The following RPTOR variants were observed in gnomAD, a reference collection of about 807,000 sequenced individuals.
RPTOR encodes regulatory associated protein of MTOR complex 1.
Under a neutral mutation model 169.9 loss-of-function variants are expected in RPTOR, and 21 were observed. The ratio of observed to expected loss-of-function variants is 0.12; its 90% CI spans 0.09 to 0.18. The LOEUF is 0.18. RPTOR is among the 10% of genes least tolerant of loss of function. The pLI, the probability that RPTOR is intolerant of heterozygous loss-of-function variation, is 1.00. For synonymous variants in RPTOR, 732 were observed against 753.2 expected, an observed-to-expected ratio of 0.97 and a Z score of 0.46; for missense variants, 1,133 against 1,855.9, an observed-to-expected ratio of 0.61 and a Z score of 7.16.
At chr17:80,658,105 T>C (rs896949610) in intron 3 of RPTOR, among the ~76,000 whole-genome samples, 1 of 152,196 alleles carries the variant, frequency 6.6e-6, no homozygotes, top group Non-Finnish European at 1.5e-5. Flanking sequence ...CCCCTTTACT[T>C]TGCATGGTGT....
At chr17:80,950,269 C>A (rs1280752086) in intron 28 of RPTOR, among the ~76,000 whole-genome samples, 1 of 152,234 alleles carries the variant, frequency 6.6e-6, no homozygotes, top group Non-Finnish European at 1.5e-5. Context: ...CGCCAGCCCC[C>A]CTCTGCCGGC....
intron 3 of RPTOR, among the ~76,000 whole-genome samples, chr17:80,673,891 G>C (rs2065841252): frequency 6.6e-6 from 1 of 152,220 alleles, no homozygotes; most frequent in Non-Finnish European, 1.5e-5. Context: ...TGTTGTTTGT[G>C]TTGTTAATTG....
At chr17:80,732,866 G>A (rs138454924) in intron 5 of RPTOR, among the ~76,000 whole-genome samples, 3 of 152,250 alleles carry the variant, frequency 2.0e-5, no homozygotes, top group African/African-American at 7.2e-5. Flanking sequence ...TTTACAGCTG[G>A]TCAAATTCTT....
rs146191609 is a variant in RPTOR, at chr17:80,602,891, G to A, written c.163-22800G>A. ...CCACCTCGCTGATTGCAGAATGGCC[G>A]TTTTTCTTCTCGCCATCCTTTTCTG... On this transcript the variant is annotated intron_variant, in intron 1 of 33. Transcript: ENST00000306801. The A allele has an allele frequency of 9.4e-4, 445 of 475,456 alleles. 1 individual carries two copies. The highest frequency in any genetic ancestry group is 1.3e-3 in the South Asian group (58 of 45,930). The allele number at this position is 475,456 out of a possible 1,614,324, so 29.5% of individuals were successfully genotyped here. A position where few individuals can be genotyped will look rare whatever the true frequency, so the allele number is the denominator to read the frequency against.
intron 3 of RPTOR, among the ~76,000 whole-genome samples, chr17:80,667,300 C>A (rs186005260): frequency 1.3e-5 from 2 of 152,036 alleles, no homozygotes; most frequent in Non-Finnish European, 2.9e-5. Context: ...GAGCTGGGAG[C>A]GAAGGGAGAC....
At position 80,720,352 on chromosome 17, in the gene RPTOR, G is replaced by T. The variant is rs543422657; in HGVS notation, c.508-10208G>T. Among the ~76,000 whole-genome samples the T allele has an allele frequency of 3.9e-5, 6 of 151,988 alleles. No homozygotes were observed. The South Asian group carries it at 1.2e-3, about 32-fold the overall frequency. The stretch of plus-strand genomic sequence containing the variant: ...AAATACACTATTATCAGAAAAATAC[G>T]TGATTTTTAAAAAGTGATATTTATG... On this transcript the variant is annotated intron_variant, in intron 4 of 33. Transcript: ENST00000306801.
chr17:80,808,514 C>T (rs2067241595), intron 7 of RPTOR, among the ~76,000 whole-genome samples: 1 of 152,178 alleles, frequency 6.6e-6, no homozygotes, highest in African/African-American at 2.4e-5. Context: ...ATCATTTCTC[C>T]TTTGTTTTCA....
At chr17:80,690,643 T>C (rs757594704) in intron 3 of RPTOR, among the ~76,000 whole-genome samples, 77 of 145,420 alleles carry the variant, frequency 5.3e-4, no homozygotes, top group Non-Finnish European at 1.1e-3. Flanking sequence ...ACAGCCGGGC[T>C]CCCCTAGATT....
chr17:80,696,309 A>C (rs149928760), intron 3 of RPTOR, among the ~76,000 whole-genome samples: 180 of 152,366 alleles, frequency 1.2e-3, no homozygotes, highest in African/African-American at 4.2e-3. Flanking sequence ...TTTAAAGAGC[A>C]AATAAAATAT....
chr17:80,713,809 C>T (rs1479301999), intron 4 of RPTOR, among the ~76,000 whole-genome samples: 1 of 152,082 alleles, frequency 6.6e-6, no homozygotes, highest in Non-Finnish European at 1.5e-5. Context: ...TTTCAAAGGA[C>T]ATGCAGCAAA....
chr17:80,808,923 G>T (rs147084066), intron 7 of RPTOR, among the ~76,000 whole-genome samples: 1 of 152,150 alleles, frequency 6.6e-6, no homozygotes, highest in African/African-American at 2.4e-5. Context: ...GTTGATGCGC[G>T]TTTGAATTGT....
chr17:80,643,936 T>G (rs1019223785), intron 3 of RPTOR, 126 bp downstream of exon 3: 3 of 705,318 alleles, frequency 4.3e-6, no homozygotes, highest in Non-Finnish European at 7.0e-6. Context: ...GCATGGCGCC[T>G]GCGCACTGCG....
At chr17:80,897,399 T>C (rs2068420242) in intron 20 of RPTOR, among the ~76,000 whole-genome samples, 1 of 152,262 alleles carries the variant, frequency 6.6e-6, no homozygotes, top group Non-Finnish European at 1.5e-5. Flanking sequence ...TTCCCTTTGG[T>C]TCACTCTTTT....
intron 1 of RPTOR, among the ~76,000 whole-genome samples, chr17:80,615,454 C>G (rs1398790245): frequency 2.0e-5 from 3 of 152,172 alleles, no homozygotes; most frequent in African/African-American, 7.2e-5. Flanking sequence ...TGAACCGTAG[C>G]ATAAGAAATT....
At chr17:80,743,562 G>A (rs1353457431) in intron 5 of RPTOR, 23 of 516,862 alleles carry the variant, frequency 4.4e-5, no homozygotes, top group Non-Finnish European at 4.7e-5. Flanking sequence ...AGGTGCCTGC[G>A]TGGGCTAGAA....
intron 13 of RPTOR, among the ~76,000 whole-genome samples, chr17:80,862,160 C>T (rs988232485): frequency 1.3e-5 from 2 of 152,162 alleles, no homozygotes; most frequent in Non-Finnish European, 2.9e-5. Context: ...GCCAGCTGGG[C>T]ATGCCCTTGC....
chr17:80,809,515 T>C (rs1008531645), intron 7 of RPTOR, among the ~76,000 whole-genome samples: 2 of 152,178 alleles, frequency 1.3e-5, no homozygotes, highest in Non-Finnish European at 2.9e-5. Context: ...TAACACAATA[T>C]CATTATTATT....
At chr17:80,597,666 A>C (rs1599588160) in intron 1 of RPTOR, among the ~76,000 whole-genome samples, 1 of 151,514 alleles carries the variant, frequency 6.6e-6, no homozygotes, top group African/African-American at 2.4e-5. Context: ...ATGTACCTTC[A>C]CACCCAGCTA....
Position 80,860,993 on chromosome 17 carries a change from T to G in RPTOR, c.1509+3093T>G, listed in dbSNP as rs1265680749. 1.6e-5 allele frequency among the ~76,000 whole-genome samples: 2 copies of G among 123,228 alleles called. 1 individual carries two copies. Among genetic ancestry groups the G allele is most frequent in the East Asian group, 4.5e-4 (2 of 4,440 alleles). 80.8% of individuals were successfully genotyped at this position (123,228 alleles called of 152,430 possible). On this transcript the variant is annotated intron_variant, in intron 13 of 33. Transcript: ENST00000306801. This position sits in a 1 kb window ranked among gnomAD's most constrained non-coding sequence, Gnocchi z 5.8. ...CCTTGAACCCTCCTGGGCCCAGTGC[T>G]CTGCACCTGGCTGTGACCAGAGAAC...
Sources: allele counts gnomAD v4.1 joint callset (sites outside exome capture counted in the v4.1 genomes callset), GRCh38; gene constraint gnomAD v4.1.1; non-coding constraint Gnocchi (gnomAD v3.1); transcripts MANE v1.5; gene names NCBI Gene and HGNC (gene_info 2026-07-23, HGNC 2026-07-21).